SCIN: variants seen among roughly 807,000 people sequenced by gnomAD.
The protein encoded by SCIN is scinderin.
Under a neutral mutation model 91.8 loss-of-function variants are expected in SCIN, and 91 were observed. The observed-to-expected ratio is 0.99, with a 90% confidence interval of 0.84 to 1.18. SCIN has a LOEUF of 1.18. SCIN is among the 50% of genes most tolerant of loss of function. SCIN has a pLI of 0.00. For synonymous variants in SCIN, 367 were observed against 312.6 expected, an observed-to-expected ratio of 1.17 and a Z score of -1.84; for missense variants, 1,087 against 863.9, an observed-to-expected ratio of 1.26 and a Z score of -3.24.
chr7:12,612,803 A>G (rs1163002746), intron 4 of SCIN, among the ~76,000 whole-genome samples: 1 of 152,240 alleles, frequency 6.6e-6, no homozygotes, highest in Non-Finnish European at 1.5e-5. Context: ...TAAGAAATTC[A>G]TATAGTAACA....
intron 1 of SCIN, 146 bp downstream of exon 1, chr7:12,571,131 G>C (rs1296580240): frequency 1.1e-6 from 1 of 889,194 alleles, no homozygotes. Flanking sequence ...CTTTGGGGCC[G>C]GCCACTTTCT....
intron 4 of SCIN, among the ~76,000 whole-genome samples, chr7:12,613,664 A>C (rs1248132477): frequency 1.3e-5 from 2 of 152,162 alleles, no homozygotes; most frequent in Admixed American, 1.3e-4. Context: ...AACTAGTGTT[A>C]ATGTATCAGA....
At chr7:12,587,379 G>T (rs1440884275) in intron 3 of SCIN, among the ~76,000 whole-genome samples, 1 of 152,180 alleles carries the variant, frequency 6.6e-6, no homozygotes, top group Non-Finnish European at 1.5e-5. Context: ...GGATGTGTGA[G>T]TCTGGTTTGT....
At chr7:12,599,820 C>G (rs1782921654) in intron 3 of SCIN, among the ~76,000 whole-genome samples, 1 of 152,008 alleles carries the variant, frequency 6.6e-6, no homozygotes, top group Non-Finnish European at 1.5e-5. Flanking sequence ...GTATCTTCTT[C>G]TCAGAACTGT....
In SCIN at chr7:12,580,947, G is replaced by A. The variant is rs1782474758; in HGVS notation, c.355-113G>A. ...GTGGCTATTTTAACTTGGCCTGACA[G>A]GTACAGTTTTGGCACAAACACCAGC... On this transcript the variant is annotated intron_variant, in intron 2 of 15. Transcript: ENST00000297029. 2.8e-5 allele frequency: 30 copies of A among 1,067,006 alleles called. 1 individual carries two copies. In the South Asian group the frequency reaches 5.2e-4, roughly 19 times the overall value. 66.1% of individuals were successfully genotyped at this position (1,067,006 alleles called of 1,614,324 possible).
At chr7:12,576,591 C>T (rs1419104863) in intron 1 of SCIN, among the ~76,000 whole-genome samples, 1 of 152,126 alleles carries the variant, frequency 6.6e-6, no homozygotes, top group South Asian at 2.1e-4. Flanking sequence ...AATTAACATA[C>T]CTTGTCACTA....
chr7:12,636,707 C>T (rs1394730352), intron 10 of SCIN, among the ~76,000 whole-genome samples: 1 of 152,150 alleles, frequency 6.6e-6, no homozygotes, highest in African/African-American at 2.4e-5. Flanking sequence ...ATGGGAAAGA[C>T]TCAACCAGCG....
intron 3 of SCIN, among the ~76,000 whole-genome samples, chr7:12,596,871 A>C (rs186753109): frequency 3.3e-5 from 5 of 152,302 alleles, no homozygotes; most frequent in South Asian, 4.1e-4. Flanking sequence ...TCTACTGCAC[A>C]TCCAAATGGC....
intron 1 of SCIN, among the ~76,000 whole-genome samples, chr7:12,575,589 C>G (rs1204485433): frequency 6.6e-6 from 1 of 152,012 alleles, no homozygotes; most frequent in African/African-American, 2.4e-5. Flanking sequence ...TTTTAAATCT[C>G]TCTTTTTATC....
chr7:12,638,240 C>A (rs1783791846), intron 10 of SCIN, among the ~76,000 whole-genome samples: 1 of 152,214 alleles, frequency 6.6e-6, no homozygotes, highest in Admixed American at 6.5e-5. Context: ...TGAGAGAGTA[C>A]TTTCTTGTTC....
chr7:12,633,649 G>T (rs1418347708), intron 9 of SCIN, among the ~76,000 whole-genome samples: 1 of 152,192 alleles, frequency 6.6e-6, no homozygotes, highest in Non-Finnish European at 1.5e-5. Flanking sequence ...AGGTAATATT[G>T]TCTGTTCGGT....
At position 12,626,577 on chromosome 7, in the gene SCIN, A is replaced by G. The variant is rs1188946427; in HGVS notation, c.982-7A>G. 3.3e-6 allele frequency: 5 copies of G among 1,523,616 alleles called. No individual in the cohort carries two copies. The highest frequency in any genetic ancestry group is 4.4e-6 in the Non-Finnish European group (5 of 1,127,158). The allele number at this position is 1,523,616 out of a possible 1,614,324, so 94.4% of individuals were successfully genotyped here. A position where few individuals can be genotyped will look rare whatever the true frequency, so the allele number is the denominator to read the frequency against. On this transcript the variant is annotated splice_region_variant and splice_polypyrimidine_tract_variant and intron_variant, in intron 7 of 15. Coordinates refer to ENST00000297029, the MANE Select transcript of SCIN (RefSeq NM_001112706.3). ...CTGTTTACTATTATTATTATTTTAA[A>G]TTTCAGATTCAAGTTCTTCCAGAAG...
intron 4 of SCIN, among the ~76,000 whole-genome samples, chr7:12,607,325 T>C (rs1014078314): frequency 1.1e-4 from 16 of 152,218 alleles, no homozygotes; most frequent in Admixed American, 3.3e-4. Flanking sequence ...TTGTAGTCTG[T>C]TCCAGGAAGT....
chr7:12,603,021 C>T (rs1294629199), intron 3 of SCIN, among the ~76,000 whole-genome samples: 1 of 152,128 alleles, frequency 6.6e-6, no homozygotes, highest in African/African-American at 2.4e-5. Flanking sequence ...TGCTGTGGCT[C>T]CAGCCAGTCC....
chr7:12,632,572 A>T (rs1344574385), intron 9 of SCIN, among the ~76,000 whole-genome samples: 1 of 152,210 alleles, frequency 6.6e-6, no homozygotes, highest in Non-Finnish European at 1.5e-5. Context: ...TAGTGACAAC[A>T]GGGAAGGAAA....
chr7:12,580,603 T>G (rs1242575962), intron 2 of SCIN, among the ~76,000 whole-genome samples: 2 of 152,194 alleles, frequency 1.3e-5, no homozygotes, highest in Non-Finnish European at 2.9e-5. Flanking sequence ...GTCCCAACCC[T>G]GTACCAGTGT....
chr7:12,609,025 A>G (rs1019013652), intron 4 of SCIN, among the ~76,000 whole-genome samples: 1 of 152,160 alleles, frequency 6.6e-6, no homozygotes, highest in African/African-American at 2.4e-5. Context: ...ATTTATCTTT[A>G]GTTTGAAGTA....
At chr7:12,593,853 G>A (rs1350565007) in intron 3 of SCIN, among the ~76,000 whole-genome samples, 1 of 150,726 alleles carries the variant, frequency 6.6e-6, no homozygotes, top group African/African-American at 2.4e-5. Context: ...GCATATGCCT[G>A]TGCTGCGAGC....
At chr7:12,585,409 C>T (rs1465400789) in intron 3 of SCIN, among the ~76,000 whole-genome samples, 1 of 152,076 alleles carries the variant, frequency 6.6e-6, no homozygotes, top group Non-Finnish European at 1.5e-5. Context: ...ATTATTGTCT[C>T]TTCTTTTATA....
Sources: gnomAD v4.1 joint callset for allele counts (sites outside exome capture counted in the v4.1 genomes callset) on GRCh38, gnomAD v4.1.1 for gene constraint, MANE v1.5 for transcripts, NCBI Gene and HGNC (gene_info 2026-07-23, HGNC 2026-07-21) for gene names.